Variants in SP140 observed in about 807,000 individuals in gnomAD.
The protein encoded by SP140 is nuclear body protein SP140.
Under a neutral mutation model 125.0 loss-of-function variants are expected in SP140, and 81 were observed. The ratio of observed to expected loss-of-function variants is 0.65; its 90% CI spans 0.54 to 0.78. The LOEUF (loss-of-function observed/expected upper bound fraction) is 0.78, where lower values mean the gene tolerates loss of function less well. SP140 is among the 30% of genes least tolerant of loss of function. The pLI, the probability that SP140 is intolerant of heterozygous loss-of-function variation, is 0.00. For missense variants in SP140, 858 were observed against 1,037.0 expected, an observed-to-expected ratio of 0.83 and a Z score of 2.37; for synonymous variants, 312 against 354.0, an observed-to-expected ratio of 0.88 and a Z score of 1.33.
chr2:230,233,342 G>GCACCA (rs1177403654), intron 1 of SP140, among the ~76,000 whole-genome samples: 1 of 151,532 alleles, frequency 6.6e-6, no homozygotes, highest in East Asian at 1.9e-4. Flanking sequence ...CCAAGATATC[G>GCACCA]CACCACTGCA....
At chr2:230,292,926 G>A in intron 20 of SP140, 138 bp downstream of exon 20, 2 of 1,292,602 alleles carry the variant, frequency 1.5e-6, no homozygotes, top group Non-Finnish European at 2.1e-6. Context: ...TCAGGAGAGA[G>A]GGACCCCACA....
In SP140 at chr2:230,225,914, G is replaced by T. The variant is rs769839651; in HGVS notation, c.59+11G>T. On this transcript the variant is annotated intron_variant, in intron 1 of 26. Coordinates refer to ENST00000392045, the MANE Select transcript of SP140 (RefSeq NM_007237.5). ...CAATCTCAACTTCAGGTGGGTCATC[G>T]TCTCCTTTCCCGTCTGTCCTTCATC... The T allele has an allele frequency of 2.5e-6, 4 of 1,611,578 alleles. No individual in the cohort carries two copies. The highest frequency in any genetic ancestry group is 3.4e-6 in the Non-Finnish European group (4 of 1,177,948).
At chr2:230,204,297 T>C (rs1210042134) in intron 1 of SP140, among the ~76,000 whole-genome samples, 1 of 152,184 alleles carries the variant, frequency 6.6e-6, no homozygotes, top group Non-Finnish European at 1.5e-5. Flanking sequence ...TTCATAATTG[T>C]ATAGTTGCAT....
chr2:230,226,341 G>A (rs928135913), intron 1 of SP140, among the ~76,000 whole-genome samples: 3 of 152,136 alleles, frequency 2.0e-5, no homozygotes, highest in Admixed American at 1.3e-4. Flanking sequence ...GTTGGGGACC[G>A]GTTCTGCTCT....
rs1441448044 is a variant in SP140, at chr2:230,253,270, G to T, written c.1058-46G>T. 4 of 1,361,180 alleles carry T rather than the reference G, an allele frequency of 2.9e-6. No individual in the cohort carries two copies. In the South Asian group the frequency reaches 4.7e-5, roughly 16 times the overall value. 84.3% of individuals were successfully genotyped at this position (1,361,180 alleles called of 1,614,324 possible). A position where few individuals can be genotyped will look rare whatever the true frequency, so the allele number is the denominator to read the frequency against. On this transcript the variant is annotated intron_variant, in intron 10 of 26. Coordinates refer to ENST00000392045, the MANE Select transcript of SP140 (RefSeq NM_007237.5). Reference sequence around the variant, plus strand: ...AGCATTTTCCCATCTTGGATGGCGTGAATGCACTGAGGTCTGTGTCCAAGT... The same window carrying T: ...AGCATTTTCCCATCTTGGATGGCGTTAATGCACTGAGGTCTGTGTCCAAGT...
chr2:230,243,353 C>A (rs1313571131), intron 4 of SP140, among the ~76,000 whole-genome samples: 2 of 151,920 alleles, frequency 1.3e-5, no homozygotes, highest in Non-Finnish European at 2.9e-5. Context: ...AGAGCAGTAT[C>A]AGAGAAAGCA....
In SP140 at chr2:230,290,515, G is replaced by T; in HGVS notation, c.1776G>T (p.Val592=). Residue 592 remains valine (V), a synonymous_variant, in exon 19 of 27, where the codon GTG becomes GTT. Transcript: ENST00000392045. The stretch of plus-strand genomic sequence containing the variant: ...ATTTTAAGGCTCCTTTGCTTCCAGT[G>T]ACCTGTGGTGGGGTGAAGGGAATTT... ...TVDFKAPLLP[V]TCGGVKGILH... is the part of the protein sequence containing the mutation. The T allele has an allele frequency of 1.2e-6, 2 of 1,614,056 alleles. No individual in the cohort carries two copies. The highest frequency in any genetic ancestry group is 8.5e-7 in the Non-Finnish European group (1 of 1,179,990).
At chr2:230,217,420 AG>A (rs1163231086) in intron 3 of SP140, among the ~76,000 whole-genome samples, 1 of 152,184 alleles carries the variant, frequency 6.6e-6, no homozygotes, top group African/African-American at 2.4e-5. Flanking sequence ...GACAATTCCC[AG>A]CAACAATGGA....
At chr2:230,212,696 C>T (rs558907889) in intron 1 of SP140, 133 of 1,588,114 alleles carry the variant, frequency 8.4e-5, no homozygotes, top group Non-Finnish European at 9.8e-5. Flanking sequence ...CTGGGATTGG[C>T]GGCAACATGG....
At chr2:230,240,916 C>T (rs902707051) in intron 3 of SP140, among the ~76,000 whole-genome samples, 30 of 152,018 alleles carry the variant, frequency 2.0e-4, no homozygotes, top group African/African-American at 5.1e-4. Context: ...TGCTCATCAA[C>T]GGAGGGTAGA....
chr2:230,241,255 C>T (rs1252722489), intron 3 of SP140, 149 bp from the exon 4 acceptor site: 2 of 644,144 alleles, frequency 3.1e-6, no homozygotes, highest in East Asian at 5.6e-5. Flanking sequence ...AAGATATGTG[C>T]CTCTCAATGA....
At position 230,249,165 on chromosome 2, in the gene SP140, T is replaced by A. The variant is rs551323703; in HGVS notation, c.976+197T>A. 4.6e-5 allele frequency among the ~76,000 whole-genome samples: 7 copies of A among 152,254 alleles called. No individual in the cohort carries two copies. In the East Asian group the frequency reaches 1.4e-3, roughly 29 times the overall value. On this transcript the variant is annotated intron_variant, in intron 9 of 26. Transcript: ENST00000392045. Reference sequence around the variant, plus strand: ...AAAGGATCAAGGTGAGCTGAGCCCCTGAGTGGGGACCATATTTCTGCATGG... The same window carrying A: ...AAAGGATCAAGGTGAGCTGAGCCCCAGAGTGGGGACCATATTTCTGCATGG...
At chr2:230,186,775 C>T in the SP140 span, among the ~76,000 whole-genome samples, 120,891 of 152,160 alleles carry the variant, frequency 0.79, 48,159 homozygotes, top group Admixed American at 0.84. Flanking sequence ...TCCATTCCAT[C>T]ACCTCACTTA....
the SP140 span, among the ~76,000 whole-genome samples, chr2:230,197,732 G>C: frequency 6.6e-6 from 1 of 151,742 alleles, no homozygotes; most frequent in Non-Finnish European, 1.5e-5. Flanking sequence ...AAGGTGTAAG[G>C]AAGGGATCCA....
At chr2:230,229,155 A>C (rs2046878712) in intron 1 of SP140, among the ~76,000 whole-genome samples, 1 of 151,980 alleles carries the variant, frequency 6.6e-6, no homozygotes, top group Non-Finnish European at 1.5e-5. Context: ...TAGAGAATAC[A>C]CCATGCAACT....
intron 1 of SP140, among the ~76,000 whole-genome samples, chr2:230,231,144 C>G (rs2047176430): frequency 1.3e-5 from 2 of 152,080 alleles, no homozygotes; most frequent in Non-Finnish European, 2.9e-5. Flanking sequence ...CTCACTTAAC[C>G]ATCTGTTCAT....
the SP140 span, among the ~76,000 whole-genome samples, chr2:230,187,359 A>T: frequency 6.6e-6 from 1 of 151,374 alleles, no homozygotes; most frequent in African/African-American, 2.4e-5. Context: ...TTTTTCTATA[A>T]TGTTTGAGTT....
chr2:230,241,271 A>C (rs140739193), intron 3 of SP140, 133 bp from the exon 4 acceptor site: 2 of 658,744 alleles, frequency 3.0e-6, no homozygotes, highest in East Asian at 2.8e-5. Flanking sequence ...AATGAAAAAA[A>C]GGGGAACAAG....
At chr2:230,256,181 C>T (rs962859793) in intron 12 of SP140, among the ~76,000 whole-genome samples, 1 of 151,848 alleles carries the variant, frequency 6.6e-6, no homozygotes, top group Non-Finnish European at 1.5e-5. Flanking sequence ...GGGTATATAC[C>T]CAAAGGATTA....
Sources: gnomAD v4.1 joint callset for allele counts (sites outside exome capture counted in the v4.1 genomes callset) on GRCh38, gnomAD v4.1.1 for gene constraint, MANE v1.5 for transcripts, NCBI Gene and HGNC (gene_info 2026-07-23, HGNC 2026-07-21) for gene names.